PTH2R: variants seen among roughly 807,000 people sequenced by gnomAD.
The protein encoded by PTH2R is parathyroid hormone 2 receptor.
PTH2R carries 59 observed loss-of-function variants against 60.3 expected under a neutral mutation model. The observed-to-expected ratio is 0.98, with a 90% CI of 0.79 to 1.22. The LOEUF (loss-of-function observed/expected upper bound fraction) is 1.22, where lower values mean the gene tolerates loss of function less well. PTH2R is among the 50% of genes most tolerant of loss of function. The pLI is 0.00. For missense variants in PTH2R, 749 were observed against 682.6 expected (o/e 1.10, Z -1.08); for synonymous variants, 256 against 243.8 (o/e 1.05, Z -0.47).
At position 208,443,465 on chromosome 2, in the gene PTH2R, G is replaced by A; in HGVS notation, c.627G>A (p.Glu209=). The change falls in exon 6 of 13, where the codon GAG becomes GAA. Residue 209 remains glutamate (E), a synonymous_variant. Transcript: ENST00000272847. ...RVVHAHIGVK[E]LESLIMQDDP... The stretch of plus-strand genomic sequence containing the variant: ...TCCATGCTCACATAGGAGTAAAGGA[G>A]CTGGAGTCCCTAATAATGCAGGATG... 1 of 1,613,844 alleles carries A rather than the reference G, an allele frequency of 6.2e-7. No homozygotes were observed. Among genetic ancestry groups the A allele is most frequent in the African/African-American group, 1.3e-5 (1 of 75,026 alleles).
intron 1 of PTH2R, among the ~76,000 whole-genome samples, chr2:208,392,208 T>C (rs537390878): frequency 1.4e-4 from 21 of 152,324 alleles, no homozygotes; most frequent in African/African-American, 5.1e-4. Flanking sequence ...ACTGGATGGA[T>C]TGGAACTACA....
intron 9 of PTH2R, among the ~76,000 whole-genome samples, chr2:208,476,925 A>C (rs1401706265): frequency 6.6e-6 from 1 of 152,218 alleles, no homozygotes; most frequent in Non-Finnish European, 1.5e-5. Context: ...GAGACGCTGC[A>C]GAGAAAGTCT....
At chr2:208,371,858 A>C (rs1416673774) in intron 1 of PTH2R, among the ~76,000 whole-genome samples, 2 of 146,600 alleles carry the variant, frequency 1.4e-5, no homozygotes, top group African/African-American at 2.4e-5. Flanking sequence ...AACTTTCCTT[A>C]CTTGTTTCCT....
At chr2:208,478,363 TG>T (rs902424284) in intron 9 of PTH2R, among the ~76,000 whole-genome samples, 1 of 152,128 alleles carries the variant, frequency 6.6e-6, no homozygotes, top group African/African-American at 2.4e-5. Context: ...CTGGAGGTGC[TG>T]GGGGGAGTCC....
In PTH2R at chr2:208,439,992, C is replaced by T. The variant is rs188036288; in HGVS notation, c.411+2111C>T. On this transcript the variant is annotated intron_variant, in intron 4 of 12. Transcript: ENST00000272847. ...TCTAATGAAGAACTGGTTAAATAAG[C>T]GCAAATATATGCATATAAATTTTAT... 3.1e-4 allele frequency among the ~76,000 whole-genome samples: 47 copies of T among 152,156 alleles called. No homozygotes were observed. In the East Asian group the frequency reaches 6.8e-3, roughly 22 times the overall value.
chr2:208,407,054 T>TG lies in PTH2R; in HGVS notation c.16dup (p.Ala6GlyfsTer24). ...ACAGCCGTTCCGGGCATGGCCGGGC[T>TG]GGGGGCGTCGCTCCACGTCTGGGGT... On this transcript the variant is annotated frameshift_variant, in exon 1 of 13. Transcript: ENST00000272847. LOFTEE classifies it high-confidence loss of function. 7.2e-7 allele frequency: 1 copy of TG among 1,394,376 alleles called. No individual in the cohort carries two copies. Among genetic ancestry groups the TG allele is most frequent in the Non-Finnish European group, 9.4e-7 (1 of 1,067,642 alleles). 86.4% of individuals were successfully genotyped at this position (1,394,376 alleles called of 1,614,324 possible).
At chr2:208,401,817 G>C (rs1456648374), upstream of PTH2R, among the ~76,000 whole-genome samples, 2 of 152,260 alleles carry the variant, frequency 1.3e-5, no homozygotes, top group African/African-American at 4.8e-5. Context: ...CTCTGGGAGT[G>C]CACTGGGAAC....
intron 8 of PTH2R, among the ~76,000 whole-genome samples, chr2:208,453,421 T>A (rs755528002): frequency 1.3e-5 from 2 of 152,232 alleles, no homozygotes; most frequent in South Asian, 4.1e-4. Flanking sequence ...ATCTTCCTTA[T>A]CAAATTCCTG....
At chr2:208,433,750 T>C (rs1702018472) in intron 2 of PTH2R, among the ~76,000 whole-genome samples, 1 of 152,212 alleles carries the variant, frequency 6.6e-6, no homozygotes, top group Non-Finnish European at 1.5e-5. Context: ...TCCAAAATAT[T>C]ATTATTTCAA....
At chr2:208,482,315 T>C (rs1158147024) in intron 10 of PTH2R, among the ~76,000 whole-genome samples, 11 of 152,062 alleles carry the variant, frequency 7.2e-5, no homozygotes, top group Admixed American at 7.2e-4. Context: ...ACACACAAGA[T>C]AGTGAAAGCT....
chr2:208,422,271 A>G lies in PTH2R; in HGVS notation c.76-5930A>G, dbSNP rs11895011. On this transcript the variant is annotated intron_variant, in intron 1 of 12. Coordinates refer to ENST00000272847, the MANE Select transcript of PTH2R (RefSeq NM_005048.4). The stretch of plus-strand genomic sequence containing the variant: ...GAGGGCAATCGGCTTTGCTGAGTCT[A>G]CTGATTCAAAGGTTAATCTTGGATG... Among the ~76,000 whole-genome samples, 1,122 of 152,326 alleles carry G rather than the reference A, an allele frequency of 7.4e-3. 11 individuals carry two copies. Among genetic ancestry groups the G allele is most frequent in the African/African-American group, 0.025 (1,059 of 41,586 alleles).
intron 10 of PTH2R, among the ~76,000 whole-genome samples, chr2:208,487,021 C>T (rs1703288733): frequency 6.6e-6 from 1 of 152,086 alleles, no homozygotes; most frequent in Non-Finnish European, 1.5e-5. Context: ...AGGCAGAGGA[C>T]AATGAGGTGT....
intron 8 of PTH2R, among the ~76,000 whole-genome samples, chr2:208,455,638 A>G (rs761877529): frequency 1.3e-5 from 2 of 152,214 alleles, no homozygotes; most frequent in Non-Finnish European, 2.9e-5. Context: ...AACTTCACAT[A>G]AAATTCAGCT....
chr2:208,425,411 C>T (rs1701837307), intron 1 of PTH2R, among the ~76,000 whole-genome samples: 1 of 152,124 alleles, frequency 6.6e-6, no homozygotes, highest in African/African-American at 2.4e-5. Context: ...AGTTACCACC[C>T]CTTTCCACAG....
At chr2:208,488,313 C>T (rs1703320516) in intron 10 of PTH2R, among the ~76,000 whole-genome samples, 1 of 152,042 alleles carries the variant, frequency 6.6e-6, no homozygotes, top group Admixed American at 6.6e-5. Flanking sequence ...TAAGCATCAT[C>T]AGTGAAAAAT....
chr2:208,373,010 C>T (rs1397296972), intron 1 of PTH2R, among the ~76,000 whole-genome samples: 1 of 152,030 alleles, frequency 6.6e-6, no homozygotes, highest in East Asian at 1.9e-4. Context: ...CGCTTGAGCT[C>T]GGGATGTGGA....
rs1701425672 is a variant in PTH2R at position 208,406,976 on chromosome 2, T to G, written c.-68T>G. On this transcript the variant is annotated 5_prime_UTR_variant, in exon 1 of 13. Coordinates refer to ENST00000272847, the MANE Select transcript of PTH2R (RefSeq NM_005048.4). ...CAAGTTTGCTCTGGGCCAGCCAAGTTGGCAACTTGGAAGCTTCTCCCGGGC... is the reference window on the plus strand; with the variant it reads ...CAAGTTTGCTCTGGGCCAGCCAAGTGGGCAACTTGGAAGCTTCTCCCGGGC... 3 of 1,313,082 alleles carry G rather than the reference T, an allele frequency of 2.3e-6. No homozygotes were observed. The highest frequency in any genetic ancestry group is 3.0e-6 in the Non-Finnish European group (3 of 1,007,974). The allele number at this position is 1,313,082 out of a possible 1,614,324, so 81.3% of individuals were successfully genotyped here. A position where few individuals can be genotyped will look rare whatever the true frequency, so the allele number is the denominator to read the frequency against.
chr2:208,428,782 G>A (rs1701910693), intron 2 of PTH2R, among the ~76,000 whole-genome samples: 1 of 152,192 alleles, frequency 6.6e-6, no homozygotes, highest in Admixed American at 6.5e-5. Context: ...ATGATACTGA[G>A]TTTTAAAAAT....
chr2:208,378,565 C>G (rs1050035253), intron 1 of PTH2R, among the ~76,000 whole-genome samples: 1 of 151,892 alleles, frequency 6.6e-6, no homozygotes, highest in Non-Finnish European at 1.5e-5. Flanking sequence ...GGAGCCCTCC[C>G]GAATAAATTT....
Sources: allele counts gnomAD v4.1 joint callset (sites outside exome capture counted in the v4.1 genomes callset), GRCh38; gene constraint gnomAD v4.1.1; transcripts MANE v1.5; gene names NCBI Gene and HGNC (gene_info 2026-07-23, HGNC 2026-07-21).